The following TRAF1 variants were observed in gnomAD, a reference collection of about 807,000 sequenced individuals.
TRAF1 encodes the protein TNF receptor associated factor 1.
In TRAF1, 23 loss-of-function variants were observed where a neutral mutation model predicts 40.9. The observed-to-expected ratio is 0.56, with a 90% CI of 0.40 to 0.80. The LOEUF is 0.80. TRAF1 is among the 30% of genes least tolerant of loss of function. The pLI, the probability that TRAF1 is intolerant of heterozygous loss-of-function variation, is 0.00. For synonymous variants in TRAF1, 206 were observed against 218.8 expected, an observed-to-expected ratio of 0.94 and a Z score of 0.52; for missense variants, 477 against 528.7, an observed-to-expected ratio of 0.90 and a Z score of 0.96.
At position 120,904,789 on chromosome 9, in the gene TRAF1, G is replaced by T; in HGVS notation, c.*231C>A. The T allele has an allele frequency of 1.7e-6, 1 of 578,856 alleles. No homozygotes were observed. Among genetic ancestry groups the T allele is most frequent in the Non-Finnish European group, 3.1e-6 (1 of 324,612 alleles). 35.9% of individuals were successfully genotyped at this position (578,856 alleles called of 1,614,324 possible). On this transcript the variant is annotated 3_prime_UTR_variant, in exon 8 of 8. Transcript: ENST00000373887. Reference sequence around the variant, plus strand: ...CCCAGTGTCGCATGGTCCGTGCAGAGGGGAGCAGCTCTGCCTGTCTCCTTC... The same window carrying T: ...CCCAGTGTCGCATGGTCCGTGCAGATGGGAGCAGCTCTGCCTGTCTCCTTC...
intron 2 of TRAF1, among the ~76,000 whole-genome samples, chr9:120,925,362 T>C (rs1002685727): frequency 6.6e-6 from 1 of 152,198 alleles, no homozygotes; most frequent in Non-Finnish European, 1.5e-5. Context: ...ATGTCCACAA[T>C]AGTACTGATA....
intron 7 of TRAF1, among the ~76,000 whole-genome samples, chr9:120,907,746 C>A (rs1179240397): frequency 6.6e-6 from 1 of 152,230 alleles, no homozygotes; most frequent in Non-Finnish European, 1.5e-5. Context: ...AGCCTCACGG[C>A]ACCTCCTCCC....
At position 120,913,404 on chromosome 9, in the gene TRAF1, G is replaced by A; in HGVS notation, c.629C>T (p.Ala210Val). ...IVAVLNKEVE[A>V]SHLALATSIH... is the part of the protein sequence containing the mutation. ...AGAGGTGGCCAGGGCCAGGTGGGAGGCCTCCACCTCCTTGTTGAGGACAGC... is the reference window on the plus strand; with the variant it reads ...AGAGGTGGCCAGGGCCAGGTGGGAGACCTCCACCTCCTTGTTGAGGACAGC... The change falls in exon 5 of 8, where the codon GCC becomes GTC. Residue 210 changes from alanine (A) to valine (V), a missense_variant. Physicochemically the swap from Ala to Val is moderately conservative, Grantham distance 64. Coordinates refer to ENST00000373887, the MANE Select transcript of TRAF1 (RefSeq NM_005658.5). 1 of 1,613,906 alleles carries A rather than the reference G, an allele frequency of 6.2e-7. No homozygotes were observed.
At chr9:120,928,694 G>A (rs1004642252), upstream of TRAF1, 2 of 152,202 alleles carry the variant, frequency 1.3e-5, no homozygotes, top group African/African-American at 2.4e-5. Context: ...AGTCTCCGTG[G>A]GCCGCCCCAT....
At chr9:120,908,026 G>A (rs1430138824) in intron 7 of TRAF1, among the ~76,000 whole-genome samples, 1 of 152,110 alleles carries the variant, frequency 6.6e-6, no homozygotes, top group Non-Finnish European at 1.5e-5. Context: ...CCAAGTAGCT[G>A]AGACTACAGG....
Position 120,914,144 on chromosome 9 carries a change from TA to T in TRAF1, c.294+90del, listed in dbSNP as rs1320322291. Reference sequence around the variant, plus strand: ...GACATCCAGATGAGTGGACTGATGTTACGGGAAAATCATGGAGGGGCTGCAG... The same window carrying T: ...GACATCCAGATGAGTGGACTGATGTTCGGGAAAATCATGGAGGGGCTGCAG... On this transcript the variant is annotated intron_variant, in intron 4 of 7. Transcript: ENST00000373887. 9 of 1,140,020 alleles carry T rather than the reference TA, an allele frequency of 7.9e-6. No homozygotes were observed. The African/African-American group carries it at 1.4e-4, about 18-fold the overall frequency. 70.6% of individuals were successfully genotyped at this position (1,140,020 alleles called of 1,614,324 possible).
intron 6 of TRAF1, among the ~76,000 whole-genome samples, chr9:120,909,760 G>A (rs570355242): frequency 4.5e-4 from 69 of 152,346 alleles, no homozygotes; most frequent in African/African-American, 1.6e-3. Context: ...AAACCAAGCT[G>A]AGAAAAACAA....
At position 120,905,181 on chromosome 9, in the gene TRAF1, G is replaced by T. The variant is rs147544712; in HGVS notation, c.1090C>A (p.Pro364Thr). The T allele has an allele frequency of 1.7e-5, 27 of 1,614,042 alleles. No individual in the cohort carries two copies. The highest frequency in any genetic ancestry group is 2.3e-5 in the Non-Finnish European group (27 of 1,180,024). The change falls in exon 8 of 8, where the codon CCT becomes ACT. Residue 364 changes from proline to threonine, a missense_variant. Physicochemically the swap from Pro to Thr is conservative, Grantham distance 38. Transcript: ENST00000373887. ...TGGAAGGACGCTGAGCTTAGGTCAG[G>T]CCGGAAGGCGTCAATGGCGTGCTCA... ...NREHAIDAFR[P>T]DLSSASFQRP...
intron 3 of TRAF1, among the ~76,000 whole-genome samples, chr9:120,921,928 T>C (rs980176456): frequency 3.9e-5 from 6 of 152,186 alleles, no homozygotes; most frequent in African/African-American, 7.2e-5. Context: ...GGTCTGGACA[T>C]CACAGATCCT....
chr9:120,906,183 T>TG lies in TRAF1; in HGVS notation c.1033-946_1033-945insC, dbSNP rs1554714690. 9.8e-4 allele frequency among the ~76,000 whole-genome samples: 51 copies of TG among 52,236 alleles called. 1 individual carries two copies. Among genetic ancestry groups the TG allele is most frequent in the Middle Eastern group, 0.021 (1 of 48 alleles). 34.3% of individuals were successfully genotyped at this position (52,236 alleles called of 152,430 possible). ...TAAGAATTATGGTGTGTTTTTTTTTTTTTTTTTTTTTTTGAGACAGAGTTT... is the reference window on the plus strand; with the variant it reads ...TAAGAATTATGGTGTGTTTTTTTTTTGTTTTTTTTTTTTTGAGACAGAGTTT... On this transcript the variant is annotated intron_variant, in intron 7 of 7. Coordinates refer to ENST00000373887, the MANE Select transcript of TRAF1 (RefSeq NM_005658.5).
intron 6 of TRAF1, among the ~76,000 whole-genome samples, chr9:120,910,527 C>G (rs1237405250): frequency 1.3e-5 from 2 of 152,152 alleles, no homozygotes; most frequent in African/African-American, 4.8e-5. Flanking sequence ...TCTCAAGTAG[C>G]TAGGACCACA....
At chr9:120,906,563 TCCTGCCCCCACCCAGTACACAA>T (rs1005188429) in intron 7 of TRAF1, among the ~76,000 whole-genome samples, 1 of 152,096 alleles carries the variant, frequency 6.6e-6, no homozygotes, top group Admixed American at 6.6e-5. Flanking sequence ...CCCATATACC[TCCTGCCCCCACCCAGTACACAA>T]CCTCCCCCAC....
At chr9:120,920,751 G>T (rs1306410157) in intron 3 of TRAF1, among the ~76,000 whole-genome samples, 1 of 152,210 alleles carries the variant, frequency 6.6e-6, no homozygotes, top group Non-Finnish European at 1.5e-5. Context: ...ATCATCTAAT[G>T]AAGTCACAGG....
At chr9:120,909,172 G>C in intron 7 of TRAF1, 58 bp downstream of exon 7, 1 of 1,585,176 alleles carries the variant, frequency 6.3e-7, no homozygotes, top group Non-Finnish European at 8.6e-7. Flanking sequence ...GCCAAACCAG[G>C]ACTAGGACTC....
intron 2 of TRAF1, 89 bp from the exon 3 acceptor site, chr9:120,923,881 C>T (rs1383167791): frequency 2.5e-6 from 3 of 1,199,804 alleles, no homozygotes; most frequent in Non-Finnish European, 3.7e-6. Flanking sequence ...CCTCAACTAT[C>T]AGCAGGGTGG....
chr9:120,926,047 C>T lies in TRAF1; in HGVS notation c.29G>A (p.Arg10His), dbSNP rs200940310. 16 of 1,605,654 alleles carry T rather than the reference C, an allele frequency of 1.0e-5. No individual in the cohort carries two copies. Among genetic ancestry groups the T allele is most frequent in the East Asian group, 2.2e-5 (1 of 44,666 alleles). Residue 10 changes from arginine (R) to histidine (H), a missense_variant, in exon 2 of 8, where the codon CGC becomes CAC. By Grantham distance (29) the Arg-to-His change is conservative. Transcript: ENST00000373887. MASSSGSSPRPAPDENEFPF... is the reference protein window; with the variant it reads MASSSGSSPHPAPDENEFPF... ...AAACTCATTCTCATCAGGGGCCGGG[C>T]GAGGACTGCTGCCTGAGCTGGAGGC... is the stretch of plus-strand genomic sequence containing the variant.
At position 120,913,452 on chromosome 9, in the gene TRAF1, A is replaced by C; in HGVS notation, c.581T>G (p.Leu194Arg). ...EKLLAELEGK[L>R]RVFENIVAVL... is the part of the protein sequence containing the mutation. Reference sequence around the variant, plus strand: ...AGCAACAATGTTCTCAAACACACGCAGCTTCCCCTCCAGCTCAGCCAGAAG... The same window carrying C: ...AGCAACAATGTTCTCAAACACACGCCGCTTCCCCTCCAGCTCAGCCAGAAG... Residue 194 changes from leucine (L) to arginine (R), a missense_variant, in exon 5 of 8, where the codon CTG becomes CGG. Leu to Arg is a moderately radical substitution (Grantham distance 102). Coordinates refer to ENST00000373887, the MANE Select transcript of TRAF1 (RefSeq NM_005658.5). The C allele has an allele frequency of 6.2e-7, 1 of 1,613,942 alleles. No individual in the cohort carries two copies. The highest frequency in any genetic ancestry group is 8.5e-7 in the Non-Finnish European group (1 of 1,180,002).
chr9:120,911,409 C>T lies in TRAF1; in HGVS notation c.810G>A (p.Leu270=), dbSNP rs375077223. ...GCCTGGTGACATTGGTGATCTTCCA[C>T]AGGAAAGTGCCATCGAAGGAGGCCT... ...MEEASFDGTF[L]WKITNVTRRC... is the part of the protein sequence containing the mutation. The change falls in exon 6 of 8, where the codon CTG becomes CTA. Residue 270 remains leucine (L), a synonymous_variant. Transcript: ENST00000373887. 6 of 1,613,566 alleles carry T rather than the reference C, an allele frequency of 3.7e-6. No homozygotes were observed. In the African/African-American group the frequency reaches 8.0e-5, roughly 22 times the overall value.
intron 3 of TRAF1, among the ~76,000 whole-genome samples, chr9:120,923,463 C>T (rs1429181763): frequency 1.3e-5 from 2 of 152,170 alleles, no homozygotes; most frequent in Non-Finnish European, 2.9e-5. Context: ...GCCCATGAAC[C>T]GTAGTTTGTG....
Sources: allele counts gnomAD v4.1 joint callset (sites outside exome capture counted in the v4.1 genomes callset), GRCh38; gene constraint gnomAD v4.1.1; transcripts MANE v1.5; gene names NCBI Gene and HGNC (gene_info 2026-07-23, HGNC 2026-07-21).